Variants in TNNI3K observed in about 807,000 individuals in gnomAD.
The protein encoded by TNNI3K is TNNI3 interacting kinase.
Under a neutral mutation model 114.5 loss-of-function variants are expected in TNNI3K, and 140 were observed. The observed-to-expected ratio is 1.22, with a 90% CI of 1.07 to 1.41. The LOEUF (loss-of-function observed/expected upper bound fraction) is 1.41, where lower values mean the gene tolerates loss of function less well. Among genes scored for constraint, TNNI3K ranks in the 40% most tolerant of loss-of-function variants. The pLI, the probability that TNNI3K is intolerant of heterozygous loss-of-function variation, is 0.00. For missense variants in TNNI3K, 1,125 were observed against 1,007.6 expected (o/e 1.12, Z -1.58); for synonymous variants, 347 against 347.5 (o/e 1.00, Z 0.02).
At chr1:74,475,492 C>T in intron 21 of TNNI3K, 1 of 716,888 alleles carries the variant, frequency 1.4e-6, no homozygotes, top group South Asian at 1.5e-5. Flanking sequence ...GCTGCCTACC[C>T]CACGGTCTTT....
At chr1:74,412,984 A>C (rs1664957499) in intron 17 of TNNI3K, among the ~76,000 whole-genome samples, 1 of 152,170 alleles carries the variant, frequency 6.6e-6, no homozygotes, top group African/African-American at 2.4e-5. Flanking sequence ...AGGTAAGAAA[A>C]TATAGGTAAC....
intron 17 of TNNI3K, among the ~76,000 whole-genome samples, chr1:74,417,379 A>G (rs35855064): frequency 0.076 from 11,516 of 152,134 alleles, 548 homozygotes; most frequent in African/African-American, 0.12. Flanking sequence ...CATGTCCTCA[A>G]GAAGTGGGAC....
At chr1:74,448,128 G>A (rs202181667) in intron 20 of TNNI3K, among the ~76,000 whole-genome samples, 6,479 of 97,986 alleles carry the variant, frequency 0.066, 128 homozygotes, top group Non-Finnish European at 0.085. Flanking sequence ...GGGGAGGGGG[G>A]AGGGATAGCA....
intron 23 of TNNI3K, among the ~76,000 whole-genome samples, chr1:74,522,758 A>G (rs1483348709): frequency 6.6e-6 from 1 of 152,174 alleles, no homozygotes; most frequent in Non-Finnish European, 1.5e-5. Context: ...TCAAATCTGG[A>G]TTAAAACTGG....
intron 9 of TNNI3K, among the ~76,000 whole-genome samples, chr1:74,346,329 G>T (rs1021311125): frequency 5.9e-5 from 9 of 152,104 alleles, no homozygotes; most frequent in African/African-American, 1.9e-4. Flanking sequence ...TTCAGACTGT[G>T]ACCTGGATTT....
chr1:74,525,863 G>C (rs144059969), intron 23 of TNNI3K, among the ~76,000 whole-genome samples: 5 of 152,238 alleles, frequency 3.3e-5, no homozygotes, highest in African/African-American at 1.2e-4. Context: ...ACACCAGAGT[G>C]GGGTAAGAAC....
intron 23 of TNNI3K, among the ~76,000 whole-genome samples, chr1:74,534,222 CTT>C (rs34664367): frequency 0.51 from 77,751 of 151,676 alleles, 21,087 homozygotes; most frequent in East Asian, 0.72. Context: ...TAATTTCACT[CTT>C]AACTTTCAAG....
intron 17 of TNNI3K, among the ~76,000 whole-genome samples, chr1:74,430,978 T>G (rs1408239670): frequency 6.6e-6 from 1 of 152,156 alleles, no homozygotes; most frequent in Non-Finnish European, 1.5e-5. Context: ...GCTTCCAAGA[T>G]TCATTACTTA....
intron 5 of TNNI3K, among the ~76,000 whole-genome samples, chr1:74,329,972 G>GA (rs1266608426): frequency 6.6e-6 from 1 of 151,826 alleles, no homozygotes; most frequent in African/African-American, 2.4e-5. Flanking sequence ...ATAGACTTTT[G>GA]AAAAAATTTC....
At chr1:74,464,974 A>G in intron 21 of TNNI3K, 1 of 1,212,784 alleles carries the variant, frequency 8.2e-7, no homozygotes, top group Middle Eastern at 3.2e-4. Context: ...GATGTCCAGA[A>G]AATTTCATCT....
At chr1:74,378,359 G>A (rs558339528) in intron 17 of TNNI3K, among the ~76,000 whole-genome samples, 32 of 151,450 alleles carry the variant, frequency 2.1e-4, no homozygotes, top group South Asian at 1.5e-3. Context: ...AGTCCATAAC[G>A]TATAATGGTT....
chr1:74,429,584 G>T (rs1665797220), intron 17 of TNNI3K, among the ~76,000 whole-genome samples: 1 of 152,096 alleles, frequency 6.6e-6, no homozygotes, highest in Non-Finnish European at 1.5e-5. Context: ...GGTCACCAAG[G>T]TAAGACTCCC....
At chr1:74,531,330 A>G (rs1020403155) in intron 23 of TNNI3K, among the ~76,000 whole-genome samples, 21 of 152,370 alleles carry the variant, frequency 1.4e-4, no homozygotes, top group Non-Finnish European at 2.9e-4. Context: ...ATGAATAAAT[A>G]AACATATTGA....
At chr1:74,494,917 G>A (rs1669251028) in intron 23 of TNNI3K, among the ~76,000 whole-genome samples, 1 of 152,144 alleles carries the variant, frequency 6.6e-6, no homozygotes, top group Non-Finnish European at 1.5e-5. Flanking sequence ...ACAATACACG[G>A]AGAGCTACAC....
intron 11 of TNNI3K, among the ~76,000 whole-genome samples, chr1:74,359,828 A>T (rs1310265797): frequency 6.6e-6 from 1 of 151,982 alleles, no homozygotes; most frequent in Non-Finnish European, 1.5e-5. Context: ...TTGCTTGGAT[A>T]TCTGAGGACC....
At chr1:74,362,323 T>C (rs190143252) in intron 11 of TNNI3K, among the ~76,000 whole-genome samples, 12 of 152,288 alleles carry the variant, frequency 7.9e-5, no homozygotes, top group Non-Finnish European at 2.9e-5. Flanking sequence ...GCCTAGTCTG[T>C]TCCTTTGATG....
At chr1:74,458,866 G>A (rs772399497) in intron 20 of TNNI3K, among the ~76,000 whole-genome samples, 2 of 152,138 alleles carry the variant, frequency 1.3e-5, no homozygotes, top group South Asian at 4.1e-4. Context: ...ACCAGGCAGT[G>A]AGCATAGTAC....
intron 9 of TNNI3K, among the ~76,000 whole-genome samples, chr1:74,349,819 C>G (rs1019509382): frequency 6.6e-6 from 1 of 152,072 alleles, no homozygotes; most frequent in Non-Finnish European, 1.5e-5. Flanking sequence ...GTGGTGATAT[C>G]CCCTGTGTCA....
intron 17 of TNNI3K, among the ~76,000 whole-genome samples, chr1:74,430,750 A>C (rs1354903008): frequency 6.6e-6 from 1 of 152,186 alleles, no homozygotes; most frequent in Non-Finnish European, 1.5e-5. Flanking sequence ...GGTAAAAGAC[A>C]AAGCTAGAGC....
Sources: allele counts gnomAD v4.1 joint callset (sites outside exome capture counted in the v4.1 genomes callset), GRCh38; gene constraint gnomAD v4.1.1; transcripts MANE v1.5; gene names NCBI Gene and HGNC (gene_info 2026-07-23, HGNC 2026-07-21).